LSM3: variants seen among roughly 807,000 people sequenced by gnomAD.
The protein encoded by LSM3 is U6 snRNA-associated Sm-like protein LSm3.
In LSM3, 14 loss-of-function variants were observed where a neutral mutation model predicts 15.4. The observed-to-expected ratio is 0.91, with a 90% CI of 0.60 to 1.42. The LOEUF (loss-of-function observed/expected upper bound fraction) is 1.42, where lower values mean the gene tolerates loss of function less well. LSM3 is among the 40% of genes most tolerant of loss of function. LSM3 has a pLI of 0.00. For missense variants in LSM3, 88 were observed against 127.9 expected, an observed-to-expected ratio of 0.69 and a Z score of 1.50; for synonymous variants, 46 against 45.1, an observed-to-expected ratio of 1.02 and a Z score of -0.08.
chr3:14,198,311 C>T lies in LSM3; in HGVS notation c.*195C>T. On this transcript the variant is annotated 3_prime_UTR_variant, in exon 4 of 4. Transcript: ENST00000306024. Reference sequence around the variant, plus strand: ...AGCTAAATGGTATTTTCATTTTTCTCAAGCTCTCCAATAAATATGACCACC... The same window carrying T: ...AGCTAAATGGTATTTTCATTTTTCTTAAGCTCTCCAATAAATATGACCACC... The T allele has an allele frequency of 1.8e-6, 1 of 548,118 alleles. No homozygotes were observed. The highest frequency in any genetic ancestry group is 3.2e-6 in the Non-Finnish European group (1 of 309,788). 34.0% of individuals were successfully genotyped at this position (548,118 alleles called of 1,614,324 possible).
At position 14,195,693 on chromosome 3, in the gene LSM3, G is replaced by A. The variant is rs1056524287; in HGVS notation, c.229-2343G>A. On this transcript the variant is annotated intron_variant, in intron 3 of 3. Transcript: ENST00000306024. Reference sequence around the variant, plus strand: ...GAGCATGCAACCCTTGTAGTGGAGTGTGCCCCCTCCTTGGTGACTGTAAAG... The same window carrying A: ...GAGCATGCAACCCTTGTAGTGGAGTATGCCCCCTCCTTGGTGACTGTAAAG... Among the ~76,000 whole-genome samples, 9 of 152,210 alleles carry A rather than the reference G, an allele frequency of 5.9e-5. No homozygotes were observed. In the South Asian group the frequency reaches 8.3e-4, roughly 14 times the overall value.
At chr3:14,191,207 G>A (rs765844052) in intron 3 of LSM3, among the ~76,000 whole-genome samples, 49 of 152,238 alleles carry the variant, frequency 3.2e-4, no homozygotes, top group Non-Finnish European at 5.7e-4. Flanking sequence ...GAGGATTTTT[G>A]CATCGGTGTT....
At position 14,199,919 on chromosome 3, in the gene LSM3, C is replaced by T. The variant is rs562308118; in HGVS notation, c.*1803C>T. On this transcript the variant is annotated 3_prime_UTR_variant, in exon 4 of 4. Transcript: ENST00000306024. ...TGTTGGCTCCTGGTGTTCACTAAGG[C>T]GTGGGGTGACAGGCCATCTGGCCTC... 4 of 152,454 alleles carry T rather than the reference C, an allele frequency of 2.6e-5. No homozygotes were observed. The East Asian group carries it at 5.8e-4, about 22-fold the overall frequency. The allele number at this position is 152,454 out of a possible 1,614,324, so 9.4% of individuals were successfully genotyped here. A position where few individuals can be genotyped will look rare whatever the true frequency, so the allele number is the denominator to read the frequency against.
intron 3 of LSM3, among the ~76,000 whole-genome samples, chr3:14,195,499 C>A (rs929460715): frequency 6.6e-6 from 1 of 152,192 alleles, no homozygotes; most frequent in South Asian, 2.1e-4. Context: ...GGTTAACTTA[C>A]CAGTTCATTT....
intron 3 of LSM3, among the ~76,000 whole-genome samples, chr3:14,193,570 G>T (rs950626203): frequency 1.2e-4 from 19 of 152,112 alleles, no homozygotes; most frequent in Non-Finnish European, 2.5e-4. Context: ...GATTGATTCA[G>T]CTATTGATAC....
intron 3 of LSM3, among the ~76,000 whole-genome samples, chr3:14,188,615 T>C (rs1274108137): frequency 1.3e-5 from 2 of 151,928 alleles, no homozygotes; most frequent in African/African-American, 2.4e-5. Flanking sequence ...TTAGTTATTC[T>C]CCCTTCCCCT....
intron 3 of LSM3, among the ~76,000 whole-genome samples, chr3:14,185,413 T>C (rs1344681469): frequency 6.6e-6 from 1 of 152,208 alleles, no homozygotes; most frequent in Non-Finnish European, 1.5e-5. Flanking sequence ...AACATTTTTA[T>C]GAACAATAAC....
chr3:14,192,770 G>A (rs767516063), intron 3 of LSM3, among the ~76,000 whole-genome samples: 28 of 152,270 alleles, frequency 1.8e-4, no homozygotes, highest in East Asian at 5.8e-4. Context: ...CATTTAGCCC[G>A]TTTACATTTA....
At chr3:14,189,090 A>G (rs1356519406) in intron 3 of LSM3, among the ~76,000 whole-genome samples, 3 of 152,090 alleles carry the variant, frequency 2.0e-5, no homozygotes, top group Non-Finnish European at 4.4e-5. Context: ...GCTGAGAATG[A>G]TGGTTTCCAG....
intron 3 of LSM3, among the ~76,000 whole-genome samples, chr3:14,192,349 T>A (rs1366888607): frequency 1.3e-5 from 2 of 152,206 alleles, no homozygotes; most frequent in African/African-American, 4.8e-5. Context: ...TAATTTTCTG[T>A]CTCGTTGATC....
At chr3:14,187,352 A>G (rs1229086291) in intron 3 of LSM3, among the ~76,000 whole-genome samples, 1 of 152,244 alleles carries the variant, frequency 6.6e-6, no homozygotes, top group Non-Finnish European at 1.5e-5. Flanking sequence ...TCTTGCGCCT[A>G]GAGTTGCAGC....
intron 3 of LSM3, among the ~76,000 whole-genome samples, chr3:14,195,700 C>T (rs1697181487): frequency 6.6e-6 from 1 of 152,198 alleles, no homozygotes; most frequent in Non-Finnish European, 1.5e-5. Flanking sequence ...AGTGTGCCCC[C>T]TCCTTGGTGA....
Position 14,199,705 on chromosome 3 carries a change from C to T in LSM3, c.*1589C>T, listed in dbSNP as rs1320527400. The T allele has an allele frequency of 1.3e-5, 2 of 152,356 alleles. No individual in the cohort carries two copies. Among genetic ancestry groups the T allele is most frequent in the East Asian group, 3.9e-4 (2 of 5,186 alleles). The allele number at this position is 152,356 out of a possible 1,614,324, so 9.4% of individuals were successfully genotyped here. The stretch of plus-strand genomic sequence containing the variant: ...AAGCTGTAGTGGTCCCAGGAGATAA[C>T]CTGTTTACAGCAGCCCATTCAGTAT... On this transcript the variant is annotated 3_prime_UTR_variant, in exon 4 of 4. Transcript: ENST00000306024.
intron 1 of LSM3, 99 bp downstream of exon 1, chr3:14,178,980 G>A (rs995176887): frequency 2.3e-6 from 3 of 1,320,954 alleles, no homozygotes; most frequent in Non-Finnish European, 3.3e-6. Flanking sequence ...CTCTCTCCAA[G>A]TCACCATGGC....
Position 14,183,966 on chromosome 3 carries a change from G to C in LSM3, c.162G>C (p.Leu54Phe), listed in dbSNP as rs1325110441. The C allele has an allele frequency of 6.2e-7, 1 of 1,608,630 alleles. No homozygotes were observed. The highest frequency in any genetic ancestry group is 1.3e-5 in the African/African-American group (1 of 74,778). Residue 54 changes from leucine (L) to phenylalanine (F), a missense_variant, in exon 3 of 4, where the codon TTG becomes TTC. Physicochemically the swap from Leu to Phe is conservative, Grantham distance 22. Coordinates refer to ENST00000306024, the MANE Select transcript of LSM3 (RefSeq NM_014463.3). ...ATGATCAACATTTAAATATGATCTTGGGAGATGTGGAAGAAACTGTGACTA... is the reference window on the plus strand; with the variant it reads ...ATGATCAACATTTAAATATGATCTTCGGAGATGTGGAAGAAACTGTGACTA... ...HAYDQHLNMI[L>F]GDVEETVTTI...
intron 3 of LSM3, among the ~76,000 whole-genome samples, chr3:14,190,151 G>C (rs1697125819): frequency 6.6e-6 from 1 of 152,100 alleles, no homozygotes; most frequent in South Asian, 2.1e-4. Context: ...TGTTCCATTG[G>C]TCTATATATC....
chr3:14,195,406 C>G (rs1017174532), intron 3 of LSM3, among the ~76,000 whole-genome samples: 27 of 152,096 alleles, frequency 1.8e-4, no homozygotes, highest in African/African-American at 4.8e-4. Context: ...TGCTCCCCCC[C>G]ACCCACACTG....
chr3:14,188,500 C>T (rs1697110833), intron 3 of LSM3, among the ~76,000 whole-genome samples: 1 of 152,162 alleles, frequency 6.6e-6, no homozygotes, highest in Admixed American at 6.5e-5. Flanking sequence ...AAATGTCTTC[C>T]ACTCCAGCCT....
intron 3 of LSM3, among the ~76,000 whole-genome samples, chr3:14,190,734 A>G (rs1426408038): frequency 2.6e-5 from 4 of 152,196 alleles, no homozygotes; most frequent in Non-Finnish European, 5.9e-5. Context: ...TGTCATCTGC[A>G]AACAGAAAAT....
Sources: allele counts gnomAD v4.1 joint callset (sites outside exome capture counted in the v4.1 genomes callset), GRCh38; gene constraint gnomAD v4.1.1; transcripts MANE v1.5; gene names NCBI Gene and HGNC (gene_info 2026-07-23, HGNC 2026-07-21).